CSMD1: variants seen among roughly 807,000 people sequenced by gnomAD.
CSMD1 encodes the protein CUB and sushi domain-containing protein 1.
CSMD1 carries 213 observed loss-of-function variants against 417.5 expected under a neutral mutation model. That is an observed-to-expected ratio of 0.51 (90% CI 0.46 to 0.57). The LOEUF is 0.57. CSMD1 is among the 20% of genes least tolerant of loss of function. The pLI is 0.00. For synonymous variants in CSMD1, 2,862 were observed against 1,736.8 expected (o/e 1.65, Z -16.11); for missense variants, 6,923 against 4,529.7 (o/e 1.53, Z -15.17).
chr8:4,728,885 G>A (rs190046329), intron 1 of CSMD1, among the ~76,000 whole-genome samples: 3 of 152,186 alleles, frequency 2.0e-5, no homozygotes, highest in Admixed American at 2.0e-4. Flanking sequence ...AGAATTATTG[G>A]AGGGAGAAAG....
intron 1 of CSMD1, among the ~76,000 whole-genome samples, chr8:4,986,742 G>A (rs1322433887): frequency 1.3e-5 from 2 of 152,072 alleles, no homozygotes; most frequent in Admixed American, 6.6e-5. Context: ...AGATTAGACA[G>A]CATTGAATGA....
chr8:3,949,352 C>T (rs1811448959), intron 5 of CSMD1, among the ~76,000 whole-genome samples: 1 of 152,174 alleles, frequency 6.6e-6, no homozygotes, highest in Non-Finnish European at 1.5e-5. Flanking sequence ...ATCTCCCCAA[C>T]ACCTCAATCT....
At chr8:4,481,471 G>A (rs1585145695) in intron 2 of CSMD1, among the ~76,000 whole-genome samples, 2 of 152,178 alleles carry the variant, frequency 1.3e-5, no homozygotes, top group Admixed American at 1.3e-4. Flanking sequence ...GATGTGTTCA[G>A]CATGGGAAGG....
chr8:3,396,201 G>A lies in CSMD1; in HGVS notation c.2586C>T (p.His862=), dbSNP rs374882481. The part of the protein sequence containing the change: ...NSRSSIGFLI[H]YESVTLESDS... ...AGGGAAGGTGCAACTCACTCTCATAGTGGATGAGGAAGCCGATGCTGGAGC... is the reference window on the plus strand; with the variant it reads ...AGGGAAGGTGCAACTCACTCTCATAATGGATGAGGAAGCCGATGCTGGAGC... Residue 862 remains histidine (H), a synonymous_variant, in exon 17 of 70, where the codon CAC becomes CAT. Transcript: ENST00000635120. 54 of 1,559,864 alleles carry A rather than the reference G, an allele frequency of 3.5e-5. No homozygotes were observed. In the African/African-American group the frequency reaches 5.4e-4, roughly 16 times the overall value.
intron 5 of CSMD1, among the ~76,000 whole-genome samples, chr8:3,844,817 T>C (rs890875265): frequency 6.6e-6 from 1 of 152,124 alleles, no homozygotes; most frequent in Non-Finnish European, 1.5e-5. Flanking sequence ...TCAGAACAGA[T>C]TTTGTTTTTG....
intron 1 of CSMD1, among the ~76,000 whole-genome samples, chr8:4,747,883 C>G (rs4875375): frequency 0.092 from 14,018 of 152,256 alleles, 728 homozygotes; most frequent in East Asian, 0.26. Context: ...ACCAGGATAT[C>G]TGTTGTTGCT....
chr8:4,312,362 C>G (rs1200166380), intron 3 of CSMD1, among the ~76,000 whole-genome samples: 9 of 134,586 alleles, frequency 6.7e-5, no homozygotes, highest in South Asian at 4.4e-4. Flanking sequence ...AAGCTAATTA[C>G]TTTTAATGGA....
intron 12 of CSMD1, among the ~76,000 whole-genome samples, chr8:3,412,103 CATATAT>C (rs1812837824): frequency 1.8e-5 from 2 of 112,408 alleles, no homozygotes; most frequent in African/African-American, 8.3e-5. Context: ...CGTATATATA[CATATAT>C]ACATATATAC....
At position 4,092,804 on chromosome 8, in the gene CSMD1, G is replaced by C. The variant is rs143525284; in HGVS notation, c.416-60705C>G. On this transcript the variant is annotated intron_variant, in intron 3 of 69. Coordinates refer to ENST00000635120, the MANE Select transcript of CSMD1 (RefSeq NM_033225.6). ...ATTTCATGAAATCTATTTTTTAATA[G>C]ACCAATATTTTTAATTTGTTTTGAT... Among the ~76,000 whole-genome samples, 423 of 151,854 alleles carry C rather than the reference G, an allele frequency of 2.8e-3. 3 individuals are homozygous for C. Among genetic ancestry groups the C allele is most frequent in the African/African-American group, 9.8e-3 (407 of 41,398 alleles).
At chr8:3,538,963 C>G (rs1195094828) in intron 10 of CSMD1, among the ~76,000 whole-genome samples, 1 of 152,186 alleles carries the variant, frequency 6.6e-6, no homozygotes, top group Non-Finnish European at 1.5e-5. Context: ...ATCAAAGCAT[C>G]TCCCTTCTAG....
intron 3 of CSMD1, among the ~76,000 whole-genome samples, chr8:4,113,188 A>G (rs1413689994): frequency 2.0e-5 from 3 of 152,050 alleles, no homozygotes; most frequent in African/African-American, 7.2e-5. Context: ...AGACACAACA[A>G]TATTGAAATT....
At chr8:4,549,214 A>G (rs933259188) in intron 2 of CSMD1, among the ~76,000 whole-genome samples, 2 of 152,204 alleles carry the variant, frequency 1.3e-5, no homozygotes, top group Non-Finnish European at 2.9e-5. Flanking sequence ...CTCCATTGGC[A>G]GCAATGTAAT....
Position 3,050,016 on chromosome 8 carries a change from T to A in CSMD1, c.7660+2446A>T, listed in dbSNP as rs557052450. Among the ~76,000 whole-genome samples the A allele has an allele frequency of 3.3e-5, 5 of 151,984 alleles. No homozygotes were observed. The South Asian group carries it at 1.0e-3, about 32-fold the overall frequency. Reference sequence around the variant, plus strand: ...TAAAGTGACCTTGTCATTTAGCAAGTCTTTCTCAGATAGTATACAAATTTA... The same window carrying A: ...TAAAGTGACCTTGTCATTTAGCAAGACTTTCTCAGATAGTATACAAATTTA... On this transcript the variant is annotated intron_variant, in intron 50 of 69. Transcript: ENST00000635120.
chr8:3,752,226 G>A (rs886872051), intron 6 of CSMD1, among the ~76,000 whole-genome samples: 1 of 150,758 alleles, frequency 6.6e-6, no homozygotes, highest in Non-Finnish European at 1.5e-5. Flanking sequence ...GGCTCCAGGT[G>A]AAGGGAAAGC....
At chr8:3,616,839 TGAG>T in intron 7 of CSMD1, 42 bp from the exon 8 acceptor site, 1 of 1,388,234 alleles carries the variant, frequency 7.2e-7, no homozygotes. Flanking sequence ...GTATAGTTAT[TGAG>T]GAAATACCCA....
intron 3 of CSMD1, among the ~76,000 whole-genome samples, chr8:4,039,580 T>C (rs761712868): frequency 2.6e-5 from 4 of 152,176 alleles, no homozygotes; most frequent in Non-Finnish European, 5.9e-5. Context: ...ATTGAATGCC[T>C]TCTACTTTCA....
At chr8:4,351,294 G>A (rs1051953272) in intron 3 of CSMD1, among the ~76,000 whole-genome samples, 9 of 152,158 alleles carry the variant, frequency 5.9e-5, no homozygotes, top group African/African-American at 1.9e-4. Context: ...CCTAACAAGA[G>A]ATTTTTCAAT....
intron 50 of CSMD1, among the ~76,000 whole-genome samples, chr8:3,049,788 A>G (rs537720149): frequency 2.0e-5 from 3 of 152,202 alleles, no homozygotes; most frequent in African/African-American, 4.8e-5. Flanking sequence ...TGGTATGTCA[A>G]TGTAGGTGCA....
At chr8:4,245,137 C>T (rs1020054713) in intron 3 of CSMD1, among the ~76,000 whole-genome samples, 2 of 152,158 alleles carry the variant, frequency 1.3e-5, no homozygotes, top group Non-Finnish European at 2.9e-5. Context: ...CAGAATGTTC[C>T]ATGGAAATGC....
Sources: gnomAD v4.1 joint callset for allele counts (sites outside exome capture counted in the v4.1 genomes callset) on GRCh38, gnomAD v4.1.1 for gene constraint, MANE v1.5 for transcripts, NCBI Gene and HGNC (gene_info 2026-07-23, HGNC 2026-07-21) for gene names.